Variants in RASL12 observed in about 807,000 individuals in gnomAD.
The protein encoded by RASL12 is ras-like protein family member 12.
In RASL12, 16 loss-of-function variants were observed where a neutral mutation model predicts 22.9. The observed-to-expected ratio is 0.70, with a 90% confidence interval of 0.47 to 1.06. The LOEUF is 1.06. Ranked by LOEUF, RASL12 falls within the 50% of genes least tolerant of loss-of-function variation. The probability of loss-of-function intolerance (pLI) is 0.00; values close to 1 mark genes in which losing one functional copy is unlikely to be tolerated. For synonymous variants in RASL12, 159 were observed against 152.2 expected (o/e 1.04, Z -0.33); for missense variants, 306 against 353.1 (o/e 0.87, Z 1.07).
At chr15:65,072,047 C>A (rs2086935669), upstream of RASL12, among the ~76,000 whole-genome samples, 1 of 152,222 alleles carries the variant, frequency 6.6e-6, no homozygotes, top group Non-Finnish European at 1.5e-5. Flanking sequence ...CCAGCAAGGA[C>A]ACAGTCAAGA....
At chr15:65,050,833 CTTCTTTT>C (rs931942213), downstream of RASL12, among the ~76,000 whole-genome samples, 1 of 88,602 alleles carries the variant, frequency 1.1e-5, no homozygotes, top group African/African-American at 4.5e-5. Context: ...TCTTCTTCTT[CTTCTTTT>C]TTTTTTTTTT....
At chr15:65,059,671 T>C (rs1274541613) in intron 2 of RASL12, among the ~76,000 whole-genome samples, 1 of 152,022 alleles carries the variant, frequency 6.6e-6, no homozygotes, top group Non-Finnish European at 1.5e-5. Context: ...GGGTCTGTGT[T>C]CTGGATCCAC....
chr15:65,058,494 C>T lies in RASL12; in HGVS notation c.358G>A (p.Ala120Thr), dbSNP rs142747328. Residue 120 changes from alanine (A) to threonine (T), a missense_variant, in exon 4 of 5, where the codon GCG becomes ACG. Ala to Thr is a moderately conservative substitution (Grantham distance 58, BLOSUM62 0). Transcript: ENST00000220062. The stretch of plus-strand genomic sequence containing the variant: ...GGGATGCTGCGCTGTGTCTCCTTCG[C>T]GTGCAAGGCAAGCAGCTCCAGGTAG... ...SSYLELLALH[A>T]KETQRSIPAL... is the part of the protein sequence containing the mutation. The T allele has an allele frequency of 1.4e-3, 2,216 of 1,610,502 alleles. 2 individuals carry two copies. The highest frequency in any genetic ancestry group is 1.6e-3 in the Non-Finnish European group (1,897 of 1,177,670).
downstream of RASL12, chr15:65,051,433 C>A: frequency 7.4e-7 from 1 of 1,357,618 alleles, no homozygotes. Flanking sequence ...TAAGCTGGGT[C>A]TGAGCCCAGG....
intron 1 of RASL12, among the ~76,000 whole-genome samples, chr15:65,074,541 C>T (rs2086951853): frequency 1.3e-5 from 2 of 152,102 alleles, no homozygotes; most frequent in Admixed American, 6.5e-5. Context: ...ATTACAGGCA[C>T]GTGCCACCAC....
At chr15:65,060,469 T>A (rs2086788072) in intron 2 of RASL12, among the ~76,000 whole-genome samples, 1 of 152,214 alleles carries the variant, frequency 6.6e-6, no homozygotes, top group African/African-American at 2.4e-5. Context: ...ACCAAACTAG[T>A]GACCTTATTT....
At position 65,067,883 on chromosome 15, in the gene RASL12, G is replaced by A. The variant is rs1303209771; in HGVS notation, c.-48C>T. ...CAGGTCTGCGGCCGGTGGGCCCCGC[G>A]CAGTGCGCCCGCCCGTCGGGGCCCA... On this transcript the variant is annotated 5_prime_UTR_variant, in exon 1 of 5. Transcript: ENST00000220062. The A allele has an allele frequency of 7.2e-7, 1 of 1,397,630 alleles. No individual in the cohort carries two copies. Among genetic ancestry groups the A allele is most frequent in the South Asian group, 1.6e-5 (1 of 62,004 alleles). 86.6% of individuals were successfully genotyped at this position (1,397,630 alleles called of 1,614,324 possible). A position where few individuals can be genotyped will look rare whatever the true frequency, so the allele number is the denominator to read the frequency against.
At chr15:65,070,640 G>A (rs986419599), upstream of RASL12, among the ~76,000 whole-genome samples, 2 of 152,226 alleles carry the variant, frequency 1.3e-5, no homozygotes, top group African/African-American at 4.8e-5. Context: ...AACGACTGGA[G>A]CAAATATAGG....
upstream of RASL12, among the ~76,000 whole-genome samples, chr15:65,069,666 C>G (rs2086917171): frequency 6.6e-6 from 1 of 152,168 alleles, no homozygotes. Flanking sequence ...AACTCTGTAA[C>G]CATCTGACTG....
chr15:65,049,417 C>A (rs113301016), downstream of RASL12: 1 of 152,136 alleles, frequency 6.6e-6, no homozygotes, highest in Admixed American at 6.5e-5. Flanking sequence ...CCTTTCCCTC[C>A]GGCACTTTTC....
At chr15:65,053,315 A>G, downstream of RASL12, 3 of 1,424,418 alleles carry the variant, frequency 2.1e-6, no homozygotes, top group Non-Finnish European at 2.7e-6. Context: ...GATACAATGA[A>G]TGAACTGCAA....
chr15:65,075,950 T>C (rs543429339), intron 1 of RASL12, among the ~76,000 whole-genome samples: 5 of 152,340 alleles, frequency 3.3e-5, no homozygotes, highest in African/African-American at 9.6e-5. Flanking sequence ...AGTGCACCAG[T>C]CGACACTCTG....
intron 1 of RASL12, among the ~76,000 whole-genome samples, chr15:65,075,350 C>A (rs991864821): frequency 1.4e-4 from 21 of 152,244 alleles, no homozygotes; most frequent in African/African-American, 4.8e-4. Flanking sequence ...CCCCGACGAG[C>A]ACTACCCCCT....
Position 65,055,209 on chromosome 15 carries a change from G to T in RASL12, c.491C>A (p.Ser164Tyr). ...CACGTGCTCAAAGTCCAGACAGGCA[G>T]AGACCTCGAAAAACAGGCACCCAAA... The part of the protein sequence containing the change: ...GRFGCLFFEV[S>Y]ACLDFEHVQH... Residue 164 changes from serine to tyrosine, a missense_variant, in exon 5 of 5, where the codon TCT becomes TAT. Physicochemically the swap from Ser to Tyr is moderately radical, Grantham distance 144 (BLOSUM62 -2). Coordinates refer to ENST00000220062, the MANE Select transcript of RASL12 (RefSeq NM_016563.4). The T allele has an allele frequency of 6.2e-7, 1 of 1,610,162 alleles. No homozygotes were observed.
At position 65,053,895 on chromosome 15, in the gene RASL12, A is replaced by T. The variant is rs189150259; in HGVS notation, c.*1004T>A. On this transcript the variant is annotated 3_prime_UTR_variant, in exon 5 of 5. Transcript: ENST00000220062. Reference sequence around the variant, plus strand: ...AGCTGCGGTGACACCACCAAATAACATAAGCAAAATTTTGCTTTATTAACC... The same window carrying T: ...AGCTGCGGTGACACCACCAAATAACTTAAGCAAAATTTTGCTTTATTAACC... The T allele has an allele frequency of 4.8e-5, 47 of 985,870 alleles. No homozygotes were observed. In the East Asian group the frequency reaches 2.4e-3, roughly 50 times the overall value. 61.1% of individuals were successfully genotyped at this position (985,870 alleles called of 1,614,324 possible).
At chr15:65,050,830 C>CTTTT (rs1206139825), downstream of RASL12, among the ~76,000 whole-genome samples, 1 of 48,530 alleles carries the variant, frequency 2.1e-5, no homozygotes, top group African/African-American at 5.4e-5. Context: ...CTTTCTTCTT[C>CTTTT]TTCTTCTTTT....
intron 2 of RASL12, among the ~76,000 whole-genome samples, chr15:65,062,853 C>T (rs764636063): frequency 8.5e-5 from 13 of 152,160 alleles, no homozygotes; most frequent in Non-Finnish European, 1.8e-4. Context: ...GGACAGTGGC[C>T]GGAATGTTTA....
intron 2 of RASL12, among the ~76,000 whole-genome samples, chr15:65,062,072 A>G (rs1343828952): frequency 2.0e-5 from 3 of 151,858 alleles, no homozygotes. Flanking sequence ...CCAAAAAAAA[A>G]AAAAAAAAGA....
At chr15:65,051,702 T>C, downstream of RASL12, 1 of 1,088,208 alleles carries the variant, frequency 9.2e-7, no homozygotes, top group Non-Finnish European at 1.4e-6. Context: ...TAGGGGTCAT[T>C]GCTGTCCACC....
Sources: gnomAD v4.1 joint callset for allele counts (sites outside exome capture counted in the v4.1 genomes callset) on GRCh38, gnomAD v4.1.1 for gene constraint, MANE v1.5 for transcripts, NCBI Gene and HGNC (gene_info 2026-07-23, HGNC 2026-07-21) for gene names.